Variants in IL36B observed in about 807,000 individuals in gnomAD.
The protein encoded by IL36B is interleukin 36 beta, also known as interleukin-36 beta.
Under a neutral mutation model 19.3 loss-of-function variants are expected in IL36B, and 23 were observed. The ratio of observed to expected loss-of-function variants is 1.19; its 90% CI spans 0.86 to 1.69. The LOEUF (loss-of-function observed/expected upper bound fraction) is 1.69. Ranked by LOEUF, IL36B falls within the 40% of genes most tolerant of loss-of-function variation. The pLI, the probability that IL36B is intolerant of heterozygous loss-of-function variation, is 0.00. For synonymous variants in IL36B, 59 were observed against 59.7 expected (o/e 0.99, Z 0.05); for missense variants, 217 against 200.5 (o/e 1.08, Z -0.50).
chr2:113,031,693 T>C lies in IL36B; in HGVS notation c.13+4A>G, dbSNP rs1558832772. The C allele has an allele frequency of 6.2e-7, 1 of 1,610,274 alleles. No homozygotes were observed. Among genetic ancestry groups the C allele is most frequent in the Admixed American group, 1.7e-5 (1 of 60,018 alleles). ...TCCAAGCTGATTTGCAATTCACCAC[T>C]TACGTTGTGGGTTCATGATGTCTTC... On this transcript the variant is annotated splice_donor_region_variant and intron_variant, in intron 2 of 5. Coordinates refer to ENST00000259213, the MANE Select transcript of IL36B (RefSeq NM_014438.5).
At chr2:113,050,875 C>G (rs756454058) in intron 1 of IL36B, among the ~76,000 whole-genome samples, 1 of 152,164 alleles carries the variant, frequency 6.6e-6, no homozygotes, top group Non-Finnish European at 1.5e-5. Context: ...GCTCGCTACT[C>G]GGGTGAGGGC....
At position 113,049,885 on chromosome 2, in the gene IL36B, G is replaced by T. The variant is rs929734449; in HGVS notation, c.-58+2932C>A. ...CAGGAGAATCACTTGAACCTGAGAG[G>T]CAGAGGTTGAAGTGAGCTGAGATCA... On this transcript the variant is annotated intron_variant, in intron 1 of 5. Transcript: ENST00000259213. Among the ~76,000 whole-genome samples, 11 of 152,080 alleles carry T rather than the reference G, an allele frequency of 7.2e-5. No individual in the cohort carries two copies. The East Asian group carries it at 1.2e-3, about 16-fold the overall frequency.
Position 113,031,062 on chromosome 2 carries a change from C to A in IL36B, c.107G>T (p.Arg36Leu), listed in dbSNP as rs145831161. The A allele has an allele frequency of 6.2e-7, 1 of 1,610,344 alleles. No individual in the cohort carries two copies. The highest frequency in any genetic ancestry group is 2.2e-5 in the East Asian group (1 of 44,870). Residue 36 changes from arginine (R) to leucine (L), a missense_variant, in exon 3 of 6, where the codon CGC becomes CTC. Physicochemically the swap from Arg to Leu is moderately radical, Grantham distance 102 (BLOSUM62 -2). Transcript: ENST00000259213. The stretch of plus-strand genomic sequence containing the variant: ...TTGTCACTCACCAGGCTTAATGCTG[C>A]GGCTAAGAGGAGCTGCTATTAAAGA...
chr2:113,033,530 C>T lies in IL36B; in HGVS notation c.-57-1764G>A, dbSNP rs542528856. ...CTAGGATTACAGGCGTGAGCCACTG[C>T]ACCCGTCCCACACACAACTCTTTAG... On this transcript the variant is annotated intron_variant, in intron 1 of 5. Transcript: ENST00000259213. Among the ~76,000 whole-genome samples the T allele has an allele frequency of 5.9e-5, 9 of 152,308 alleles. 1 individual carries two copies. The East Asian group carries it at 1.7e-3, about 29-fold the overall frequency.
intron 5 of IL36B, chr2:113,026,092 T>C: frequency 6.2e-7 from 1 of 1,612,838 alleles, no homozygotes; most frequent in Non-Finnish European, 8.5e-7. Context: ...ATAAGAGAAT[T>C]TGCTCCTCAC....
intron 1 of IL36B, among the ~76,000 whole-genome samples, chr2:113,042,821 T>C (rs1685283625): frequency 6.6e-6 from 1 of 152,244 alleles, no homozygotes; most frequent in Non-Finnish European, 1.5e-5. Context: ...GTGGAATGGC[T>C]GGATCATAGG....
chr2:113,046,507 C>T (rs1288104246), intron 1 of IL36B, among the ~76,000 whole-genome samples: 3 of 152,218 alleles, frequency 2.0e-5, no homozygotes, highest in Non-Finnish European at 2.9e-5. Flanking sequence ...CGCGCCTGCC[C>T]TCTTCAGTTT....
At chr2:113,026,018 G>T in intron 5 of IL36B, 1 of 1,541,554 alleles carries the variant, frequency 6.5e-7, no homozygotes. Context: ...TCTCAATACT[G>T]CTGGGATCCT....
In IL36B at chr2:113,024,145, C is replaced by T. The variant is rs374657863; in HGVS notation, c.392-1368G>A. Among the ~76,000 whole-genome samples, 42 of 152,222 alleles carry T rather than the reference C, an allele frequency of 2.8e-4. 1 individual carries two copies. The Middle Eastern group carries it at 0.017, about 62-fold the overall frequency. On this transcript the variant is annotated intron_variant, in intron 5 of 5. Coordinates refer to ENST00000259213, the MANE Select transcript of IL36B (RefSeq NM_014438.5). ...GGACAAACTATCTTTGAGTGTCACA[C>T]GGGTAAACTCCCTCTCTACCACCCT...
chr2:113,044,292 G>GTT (rs1438065504), intron 1 of IL36B, among the ~76,000 whole-genome samples: 2 of 126,738 alleles, frequency 1.6e-5, no homozygotes, highest in Admixed American at 1.4e-4. Context: ...GTGTGTGTGT[G>GTT]TGTGTGTGTG....
intron 1 of IL36B, among the ~76,000 whole-genome samples, chr2:113,036,557 T>A (rs1300888137): frequency 6.6e-6 from 1 of 152,192 alleles, no homozygotes; most frequent in East Asian, 1.9e-4. Context: ...TTGGAGATTC[T>A]GCCTCAGTCT....
intron 1 of IL36B, among the ~76,000 whole-genome samples, chr2:113,034,510 C>G (rs989734699): frequency 4.0e-5 from 6 of 149,842 alleles, no homozygotes; most frequent in African/African-American, 1.5e-4. Flanking sequence ...ATTATCTCCA[C>G]TACCAAAATG....
intron 1 of IL36B, among the ~76,000 whole-genome samples, chr2:113,037,649 CAA>C (rs558737151): frequency 1.0e-4 from 14 of 135,866 alleles, no homozygotes; most frequent in Admixed American, 2.2e-4. Flanking sequence ...AACTCTATCT[CAA>C]AAAAAAAAAA....
At chr2:113,023,556 G>A (rs1446667175) in intron 5 of IL36B, among the ~76,000 whole-genome samples, 1 of 152,228 alleles carries the variant, frequency 6.6e-6, no homozygotes, top group African/African-American at 2.4e-5. Context: ...GTTGCTATTA[G>A]ATATTGGGAG....
At chr2:113,040,469 A>G (rs1440189264) in intron 1 of IL36B, among the ~76,000 whole-genome samples, 1 of 152,222 alleles carries the variant, frequency 6.6e-6, no homozygotes, top group African/African-American at 2.4e-5. Flanking sequence ...ACTCTCCTCA[A>G]ATAATATGAT....
At chr2:113,028,646 G>C (rs1005810871) in intron 4 of IL36B, among the ~76,000 whole-genome samples, 3 of 152,202 alleles carry the variant, frequency 2.0e-5, no homozygotes, top group Non-Finnish European at 2.9e-5. Flanking sequence ...AGGATTTCCA[G>C]AATGCAGTTA....
chr2:113,029,557 T>C (rs960553676), intron 3 of IL36B, among the ~76,000 whole-genome samples: 2 of 152,204 alleles, frequency 1.3e-5, no homozygotes, highest in African/African-American at 4.8e-5. Context: ...GAATCAAGGA[T>C]GTCTCCTGTA....
In IL36B at chr2:113,022,742, G is replaced by T. The variant is rs549594008; in HGVS notation, c.427C>A (p.His143Asn). Residue 143 changes from histidine to asparagine, a missense_variant, in exon 6 of 6, where the codon CAT (histidine) becomes AAT (asparagine). Coordinates refer to ENST00000259213, the MANE Select transcript of IL36B (RefSeq NM_014438.5). ...AAATCTTTGTCCTTCTTCCTGAGAT[G>T]GTGATGTTGAAAGGAACTCTTCCAC... is the stretch of plus-strand genomic sequence containing the variant. The T allele has an allele frequency of 2.0e-5, 32 of 1,613,118 alleles. No individual in the cohort carries two copies. In the East Asian group the frequency reaches 7.1e-4, roughly 36 times the overall value.
intron 1 of IL36B, among the ~76,000 whole-genome samples, chr2:113,036,672 G>T (rs1558834558): frequency 6.6e-6 from 1 of 152,130 alleles, no homozygotes. Context: ...TCCTGGATAG[G>T]CCAAACTCAG....
Sources: gnomAD v4.1 joint callset for allele counts (sites outside exome capture counted in the v4.1 genomes callset) on GRCh38, gnomAD v4.1.1 for gene constraint, MANE v1.5 for transcripts, NCBI Gene and HGNC (gene_info 2026-07-23, HGNC 2026-07-21) for gene names.